HPSE2: variants seen among roughly 807,000 people sequenced by gnomAD.
HPSE2 encodes the protein heparanase 2 (inactive).
In HPSE2, 38 loss-of-function variants were observed where a neutral mutation model predicts 60.5. The ratio of observed to expected loss-of-function variants is 0.63; its 90% confidence interval spans 0.48 to 0.82. The LOEUF (loss-of-function observed/expected upper bound fraction) is 0.82, where lower values mean the gene tolerates loss of function less well. Among genes scored for constraint, HPSE2 ranks in the 40% least tolerant of loss-of-function variants. HPSE2 has a pLI of 0.00. For missense variants in HPSE2, 713 were observed against 740.4 expected (o/e 0.96, Z 0.43); for synonymous variants, 295 against 293.2 (o/e 1.01, Z -0.06).
rs140076298 is a variant in HPSE2, at chr10:98,553,913, C to A, written c.1320+60991G>T. Among the ~76,000 whole-genome samples the A allele has an allele frequency of 2.6e-5, 4 of 152,144 alleles. No homozygotes were observed. The East Asian group carries it at 7.7e-4, about 29-fold the overall frequency. ...GTCTGTGTCCAGTCAGTCCTTTGGC[C>A]CCTGTTTCTTTTTACAGTACAATCT... On this transcript the variant is annotated intron_variant, in intron 9 of 11. Transcript: ENST00000370552.
chr10:98,461,842 T>C, intron 11 of HPSE2: 6 of 1,556,428 alleles, frequency 3.9e-6, no homozygotes, highest in Non-Finnish European at 5.3e-6. Context: ...AAACAACGTG[T>C]GATTAGCAAA....
chr10:98,790,551 T>C (rs1480081253), intron 3 of HPSE2, among the ~76,000 whole-genome samples: 3 of 152,102 alleles, frequency 2.0e-5, no homozygotes, highest in African/African-American at 7.2e-5. Context: ...GAGCAGAGGA[T>C]TAAGTTTTGG....
chr10:98,627,999 T>C (rs562102834), intron 7 of HPSE2, among the ~76,000 whole-genome samples: 1 of 152,288 alleles, frequency 6.6e-6, no homozygotes, highest in South Asian at 2.1e-4. Flanking sequence ...GTAATTCCTG[T>C]CAAGCCACAT....
intron 3 of HPSE2, among the ~76,000 whole-genome samples, chr10:99,114,674 G>A (rs978583207): frequency 1.3e-5 from 2 of 152,086 alleles, no homozygotes; most frequent in East Asian, 1.9e-4. Flanking sequence ...CAGCACTTTG[G>A]GGGGCTGAGA....
intron 9 of HPSE2, among the ~76,000 whole-genome samples, chr10:98,562,261 A>G (rs1239959677): frequency 6.6e-6 from 1 of 152,178 alleles, no homozygotes; most frequent in African/African-American, 2.4e-5. Flanking sequence ...GTTTGCATAA[A>G]TACACACTAT....
intron 9 of HPSE2, among the ~76,000 whole-genome samples, chr10:98,608,240 C>T (rs763259970): frequency 6.6e-6 from 1 of 152,148 alleles, no homozygotes; most frequent in Non-Finnish European, 1.5e-5. Context: ...ACAGTTAGCC[C>T]CATTTCACAG....
At chr10:98,609,825 T>G (rs993389336) in intron 9 of HPSE2, among the ~76,000 whole-genome samples, 1 of 133,840 alleles carries the variant, frequency 7.5e-6, no homozygotes, top group Admixed American at 7.1e-5. Context: ...TTAGGTGGTG[T>G]TCTTCTTCTT....
intron 3 of HPSE2, among the ~76,000 whole-genome samples, chr10:98,838,783 T>A (rs760561383): frequency 2.6e-5 from 4 of 152,124 alleles, no homozygotes; most frequent in Non-Finnish European, 5.9e-5. Context: ...GGTGTTCAAA[T>A]GATTACAAAG....
chr10:99,038,604 C>T (rs977164056), intron 3 of HPSE2, among the ~76,000 whole-genome samples: 7 of 151,830 alleles, frequency 4.6e-5, no homozygotes, highest in Middle Eastern at 3.2e-3. Flanking sequence ...TTGACTGTGG[C>T]GGTGGCTATA....
chr10:99,305,690 T>C, the HPSE2 span, among the ~76,000 whole-genome samples: 1 of 151,958 alleles, frequency 6.6e-6, no homozygotes, highest in Non-Finnish European at 1.5e-5. Context: ...CATACAGATA[T>C]TGGAGTTAGC....
At chr10:99,060,658 C>CAAAAA (rs35034456) in intron 3 of HPSE2, among the ~76,000 whole-genome samples, 1 of 47,774 alleles carries the variant, frequency 2.1e-5, no homozygotes, top group Non-Finnish European at 3.5e-5. Flanking sequence ...AACTCTGTCT[C>CAAAAA]AAAAAAAAAA....
chr10:99,301,924 C>G, the HPSE2 span, among the ~76,000 whole-genome samples: 1 of 151,732 alleles, frequency 6.6e-6, no homozygotes, highest in Admixed American at 6.6e-5. Flanking sequence ...TTAAACCCTG[C>G]TACCTTGTTA....
At chr10:98,514,038 T>C (rs143809104) in intron 9 of HPSE2, among the ~76,000 whole-genome samples, 3 of 152,168 alleles carry the variant, frequency 2.0e-5, no homozygotes, top group East Asian at 3.9e-4. Context: ...CAACAAAATA[T>C]GGCACATATG....
chr10:98,930,615 G>A (rs1442411559), intron 3 of HPSE2, among the ~76,000 whole-genome samples: 2 of 144,488 alleles, frequency 1.4e-5, no homozygotes, highest in East Asian at 2.0e-4. Context: ...GTGTACAAGC[G>A]TTCCTATTTC....
the HPSE2 span, among the ~76,000 whole-genome samples, chr10:99,293,586 T>A: frequency 2.0e-5 from 3 of 152,144 alleles, no homozygotes; most frequent in Non-Finnish European, 2.9e-5. Context: ...AGATTAAGGG[T>A]CATGATCAAG....
chr10:98,600,751 A>AC (rs536739745), intron 9 of HPSE2, among the ~76,000 whole-genome samples: 3 of 107,438 alleles, frequency 2.8e-5, no homozygotes, highest in African/African-American at 8.0e-5. Flanking sequence ...ACATACACAC[A>AC]AAAAAAATAT....
At chr10:99,207,043 G>A (rs1589820974) in intron 2 of HPSE2, among the ~76,000 whole-genome samples, 1 of 152,120 alleles carries the variant, frequency 6.6e-6, no homozygotes, top group South Asian at 2.1e-4. Flanking sequence ...TAAATATCCA[G>A]GCACAGGAAA....
intron 3 of HPSE2, among the ~76,000 whole-genome samples, chr10:98,960,760 C>CT (rs1955655015): frequency 1.3e-5 from 1 of 77,150 alleles, no homozygotes; most frequent in Non-Finnish European, 2.5e-5. Flanking sequence ...TTATTATACT[C>CT]TAAGTTTTAG....
intron 2 of HPSE2, among the ~76,000 whole-genome samples, chr10:99,150,969 C>T (rs1366395994): frequency 6.6e-6 from 1 of 151,900 alleles, no homozygotes; most frequent in Admixed American, 6.6e-5. Flanking sequence ...GATCACTAAG[C>T]TATGCAGACT....
Sources: allele counts gnomAD v4.1 joint callset (sites outside exome capture counted in the v4.1 genomes callset), GRCh38; gene constraint gnomAD v4.1.1; transcripts MANE v1.5; gene names NCBI Gene and HGNC (gene_info 2026-07-23, HGNC 2026-07-21).